Variants in APC2 observed in about 807,000 individuals in gnomAD.
APC2 encodes the protein APC regulator of Wnt signaling pathway 2.
A neutral mutation model predicts 72.5 loss-of-function variants in APC2; 41 were observed. The ratio of observed to expected loss-of-function variants is 0.57; its 90% CI spans 0.44 to 0.73. The LOEUF (loss-of-function observed/expected upper bound fraction) is 0.73. APC2 is among the 30% of genes least tolerant of loss of function. APC2 has a pLI of 0.00. For synonymous variants in APC2, 1,898 were observed against 1,612.0 expected (o/e 1.18, Z -4.25); for missense variants, 3,729 against 3,403.4 (o/e 1.10, Z -2.38).
Position 1,467,775 on chromosome 19 carries a change from G to A in APC2, c.4474G>A (p.Ala1492Thr). ...GCCCGGCCGGACCCGCGGGGACGGG[G>A]CGCTCCAGTCGCTGTGCCTCACGAC... is the stretch of plus-strand genomic sequence containing the variant. ...SKPGRTRGDG[A>T]LQSLCLTTPT... The change falls in exon 15 of 15, where the codon GCG becomes ACG. Residue 1492 changes from alanine (A) to threonine (T), a missense_variant. Ala to Thr is a moderately conservative substitution (Grantham distance 58). Coordinates refer to ENST00000590469, the MANE Select transcript of APC2 (RefSeq NM_005883.3). The A allele has an allele frequency of 1.4e-6, 2 of 1,433,468 alleles. No homozygotes were observed. The highest frequency in any genetic ancestry group is 1.8e-6 in the Non-Finnish European group (2 of 1,099,166). The allele number at this position is 1,433,468 out of a possible 1,614,324, so 88.8% of individuals were successfully genotyped here.
chr19:1,460,158 C>T, intron 10 of APC2, 23 bp from the exon 11 acceptor site: 1 of 1,612,754 alleles, frequency 6.2e-7, no homozygotes, highest in Non-Finnish European at 8.5e-7. Flanking sequence ...CTGCCACCCA[C>T]CAACCTTGTT....
Position 1,452,834 on chromosome 19 carries a change from C to T in APC2, c.-18-150C>T. The T allele has an allele frequency of 1.0e-6, 1 of 988,394 alleles. No individual in the cohort carries two copies. Among genetic ancestry groups the T allele is most frequent in the Non-Finnish European group, 1.5e-6 (1 of 689,632 alleles). The allele number at this position is 988,394 out of a possible 1,614,324, so 61.2% of individuals were successfully genotyped here. ...CTGGCCACCACCACGTGGGCCTGTA[C>T]TTGTCCACACCAGTGACTCCTGCCT... is the stretch of plus-strand genomic sequence containing the variant. On this transcript the variant is annotated intron_variant, in intron 1 of 14. Transcript: ENST00000590469. The surrounding 1 kb of genome is among the most constrained non-coding windows in gnomAD (Gnocchi z 5.1).
chr19:1,469,687 G>A lies in APC2; in HGVS notation c.6386G>A (p.Ser2129Asn). Reference protein sequence around the residue: ...PASADAARRSSDGEPRPLPRV... With the variant: ...PASADAARRSNDGEPRPLPRV... ...TCAGCCGACGCCGCGCGCCGCAGCA[G>A]CGACGGGGAGCCCCGGCCGCTCCCC... The change falls in exon 15 of 15, where the codon AGC becomes AAC. Residue 2129 changes from serine to asparagine, a missense_variant. Ser to Asn is a conservative substitution (Grantham distance 46). Transcript: ENST00000590469. 1 of 1,326,174 alleles carries A rather than the reference G, an allele frequency of 7.5e-7. No homozygotes were observed. Among genetic ancestry groups the A allele is most frequent in the Non-Finnish European group, 9.6e-7 (1 of 1,044,846 alleles). The allele number at this position is 1,326,174 out of a possible 1,614,324, so 82.2% of individuals were successfully genotyped here. A position where few individuals can be genotyped will look rare whatever the true frequency, so the allele number is the denominator to read the frequency against.
In APC2 at chr19:1,450,261, C is replaced by A. The variant is rs1388112186; in HGVS notation, c.-96C>A. ...CGAGGCCACCCCGGGCCGGGATTTC[C>A]GGTGGGGCCCGCGGAGCCGCGCAGA... On this transcript the variant is annotated 5_prime_UTR_variant, in exon 1 of 15. Transcript: ENST00000590469. The A allele has an allele frequency of 5.1e-6, 5 of 985,304 alleles. No homozygotes were observed. In the African/African-American group the frequency reaches 8.7e-5, roughly 17 times the overall value. The allele number at this position is 985,304 out of a possible 1,614,324, so 61.0% of individuals were successfully genotyped here.
At chr19:1,462,249 G>C in intron 14 of APC2, 72 bp downstream of exon 14, 1 of 1,392,946 alleles carries the variant, frequency 7.2e-7, no homozygotes, top group Admixed American at 2.2e-5. Context: ...GCTGGGCACT[G>C]TCCTCCCGTG....
In APC2 at chr19:1,467,119, C is replaced by T. The variant is rs1252193900; in HGVS notation, c.3818C>T (p.Ser1273Leu). ...FTVEKPDENF[S>L]CASSLSALAL... Reference sequence around the variant, plus strand: ...GTGGAGAAGCCAGACGAGAACTTCTCGTGCGCCTCCAGCCTCAGCGCGCTG... The same window carrying T: ...GTGGAGAAGCCAGACGAGAACTTCTTGTGCGCCTCCAGCCTCAGCGCGCTG... Residue 1273 changes from serine (S) to leucine (L), a missense_variant, in exon 15 of 15, where the codon TCG (serine) becomes TTG (leucine). Transcript: ENST00000590469. 1.3e-6 allele frequency: 2 copies of T among 1,595,866 alleles called. No individual in the cohort carries two copies. Among genetic ancestry groups the T allele is most frequent in the Non-Finnish European group, 1.7e-6 (2 of 1,170,886 alleles).
chr19:1,461,252 G>A, intron 13 of APC2, 99 bp downstream of exon 13: 1 of 1,040,352 alleles, frequency 9.6e-7, no homozygotes, highest in South Asian at 1.3e-5. Flanking sequence ...AAATCAAGTT[G>A]AACAGCTCAC....
chr19:1,464,210 A>G (rs1188438317), intron 14 of APC2, among the ~76,000 whole-genome samples: 5 of 151,838 alleles, frequency 3.3e-5, no homozygotes, highest in African/African-American at 7.3e-5. Context: ...TTGGGAGGCT[A>G]AGGCAGGAGA....
Position 1,470,073 on chromosome 19 carries a change from G to C in APC2, c.6772G>C (p.Ala2258Pro). The C allele has an allele frequency of 6.3e-7, 1 of 1,596,938 alleles. No individual in the cohort carries two copies. Among genetic ancestry groups the C allele is most frequent in the Non-Finnish European group, 8.5e-7 (1 of 1,175,286 alleles). Residue 2258 changes from alanine (A) to proline (P), a missense_variant, in exon 15 of 15, where the codon GCC becomes CCC. Physicochemically the swap from Ala to Pro is conservative, Grantham distance 27 (BLOSUM62 -1). Transcript: ENST00000590469. ...GGGGGTCGCCGTGGGGGGCTTCCCCGCCAGCCGGCACGGCTCCCCCAGCCG... is the reference window on the plus strand; with the variant it reads ...GGGGGTCGCCGTGGGGGGCTTCCCCCCCAGCCGGCACGGCTCCCCCAGCCG... ...GLGVAVGGFPASRHGSPSRSA... is the reference protein window; with the variant it reads ...GLGVAVGGFPPSRHGSPSRSA...
Position 1,455,167 on chromosome 19 carries a change from G to A in APC2, c.432G>A (p.Glu144=), listed in dbSNP as rs1390661099. 2 of 1,578,590 alleles carry A rather than the reference G, an allele frequency of 1.3e-6. No homozygotes were observed. The highest frequency in any genetic ancestry group is 2.3e-5 in the East Asian group (1 of 42,656). ...LDRERCFLLN[E]IEKEEKEKLW... ...TCCCCAGGTGTTTCCTGCTGAATGA[G>A]ATTGAGAAGGAGGAGAAGGAGAAGC... The change falls in exon 5 of 15, where the codon GAG becomes GAA. Residue 144 remains glutamate (E), a synonymous_variant. Coordinates refer to ENST00000590469, the MANE Select transcript of APC2 (RefSeq NM_005883.3).
upstream of APC2, among the ~76,000 whole-genome samples, chr19:1,447,526 T>C (rs2083698422): frequency 6.6e-6 from 1 of 150,594 alleles, no homozygotes; most frequent in South Asian, 2.1e-4. Flanking sequence ...CGTTCTGCAG[T>C]GGGAGAAGGG....
rs370764592 is a variant in APC2 at position 1,460,764 on chromosome 19, G to A, written c.1444-16G>A. 18 of 1,610,970 alleles carry A rather than the reference G, an allele frequency of 1.1e-5. No homozygotes were observed. The highest frequency in any genetic ancestry group is 1.5e-5 in the Non-Finnish European group (18 of 1,178,484). ...GTGTCCCAACCCCGTGACCCCGGCTGCATAACCCCCAACAGGCCACCCTGT... is the reference window on the plus strand; with the variant it reads ...GTGTCCCAACCCCGTGACCCCGGCTACATAACCCCCAACAGGCCACCCTGT... On this transcript the variant is annotated splice_polypyrimidine_tract_variant and intron_variant, in intron 11 of 14. Coordinates refer to ENST00000590469, the MANE Select transcript of APC2 (RefSeq NM_005883.3).
In APC2 at chr19:1,467,504, T is replaced by C. The variant is rs1388615253; in HGVS notation, c.4203T>C (p.Ser1401=). The change falls in exon 15 of 15, where the codon TCT becomes TCC. Residue 1401 remains serine (S), a synonymous_variant. Transcript: ENST00000590469. ...CGGAGGGCACGCCGGTCAACTTCTC[T>C]AGCGCCGCCTCGCTCAGCGACGAGA... ...DSAEGTPVNF[S]SAASLSDETL... 23 of 1,462,918 alleles carry C rather than the reference T, an allele frequency of 1.6e-5. No individual in the cohort carries two copies. Among genetic ancestry groups the C allele is most frequent in the Non-Finnish European group, 2.0e-5 (22 of 1,110,270 alleles). 90.6% of individuals were successfully genotyped at this position (1,462,918 alleles called of 1,614,324 possible). A position where few individuals can be genotyped will look rare whatever the true frequency, so the allele number is the denominator to read the frequency against.
chr19:1,458,883 C>T (rs764597643), intron 10 of APC2, among the ~76,000 whole-genome samples: 2 of 152,088 alleles, frequency 1.3e-5, no homozygotes, highest in East Asian at 1.9e-4. Flanking sequence ...GGGGTTTCAC[C>T]GTGTTGCTCA....
upstream of APC2, among the ~76,000 whole-genome samples, chr19:1,447,681 G>A (rs146870638): frequency 3.3e-3 from 503 of 152,236 alleles, 2 homozygotes; most frequent in African/African-American, 0.011. Flanking sequence ...ATTGTTCAGG[G>A]ACATAATGTT....
chr19:1,455,519 T>G lies in APC2; in HGVS notation c.639+19T>G, dbSNP rs1283861873. The G allele has an allele frequency of 1.3e-6, 2 of 1,585,894 alleles. No homozygotes were observed. The highest frequency in any genetic ancestry group is 8.6e-7 in the Non-Finnish European group (1 of 1,164,250). ...GGCACAGGTGCGGCGGTGGGCGGGG[T>G]GGCGCGGCGGTAGGCGGGGCCCTGC... On this transcript the variant is annotated intron_variant, in intron 6 of 14. Coordinates refer to ENST00000590469, the MANE Select transcript of APC2 (RefSeq NM_005883.3).
chr19:1,466,640 G>C lies in APC2; in HGVS notation c.3339G>C (p.Thr1113=), dbSNP rs757153447. 2 of 1,498,398 alleles carry C rather than the reference G, an allele frequency of 1.3e-6. No individual in the cohort carries two copies. The allele number at this position is 1,498,398 out of a possible 1,614,324, so 92.8% of individuals were successfully genotyped here. ...CCAGCGAGGCTGAGCTGGACAGCAC[G>C]TGGCGGGCGCCCGGGGCCACCTCGC... ...AGPSEAELDS[T]WRAPGATSLP... Residue 1113 remains threonine, a synonymous_variant, in exon 15 of 15, where the codon ACG becomes ACC. Transcript: ENST00000590469.
chr19:1,470,640 T>G lies in APC2; in HGVS notation c.*427T>G. 6.0e-6 allele frequency: 1 copy of G among 165,624 alleles called. No homozygotes were observed. Among genetic ancestry groups the G allele is most frequent in the Non-Finnish European group, 1.3e-5 (1 of 77,416 alleles). The allele number at this position is 165,624 out of a possible 1,614,324, so 10.3% of individuals were successfully genotyped here. A position where few individuals can be genotyped will look rare whatever the true frequency, so the allele number is the denominator to read the frequency against. Reference sequence around the variant, plus strand: ...GCGCCCGCCGCAGGTGGGGCGAGGCTGGGGGAGGGCGGCGCCGCGGCGGGC... The same window carrying G: ...GCGCCCGCCGCAGGTGGGGCGAGGCGGGGGGAGGGCGGCGCCGCGGCGGGC... On this transcript the variant is annotated 3_prime_UTR_variant, in exon 15 of 15. Transcript: ENST00000590469.
upstream of APC2, among the ~76,000 whole-genome samples, chr19:1,448,203 C>A (rs778831354): frequency 6.6e-6 from 1 of 152,222 alleles, no homozygotes; most frequent in Non-Finnish European, 1.5e-5. Context: ...CCAGACACCC[C>A]CTGTGTCCCA....
Sources: gnomAD v4.1 joint callset for allele counts (sites outside exome capture counted in the v4.1 genomes callset) on GRCh38, gnomAD v4.1.1 for gene constraint, Gnocchi (gnomAD v3.1) non-coding constraint, MANE v1.5 for transcripts, NCBI Gene and HGNC (gene_info 2026-07-23, HGNC 2026-07-21) for gene names.